The following SSH2 variants were observed in gnomAD, a reference collection of about 807,000 sequenced individuals.
SSH2 encodes the protein slingshot protein phosphatase 2.
In SSH2, 37 loss-of-function variants were observed where a neutral mutation model predicts 135.2. The observed-to-expected ratio is 0.27, with a 90% CI of 0.21 to 0.36. SSH2 has a LOEUF of 0.36. Among genes scored for constraint, SSH2 ranks in the 10% least tolerant of loss-of-function variants. The probability of loss-of-function intolerance (pLI) is 1.00; values close to 1 mark genes in which losing one functional copy is unlikely to be tolerated. For missense variants in SSH2, 1,408 were observed against 1,765.3 expected (o/e 0.80, Z 3.63); for synonymous variants, 628 against 646.2 (o/e 0.97, Z 0.43).
Position 29,636,010 on chromosome 17 carries a change from G to C in SSH2, c.2220C>G (p.Pro740=). The C allele has an allele frequency of 6.2e-7, 1 of 1,613,976 alleles. No individual in the cohort carries two copies. Among genetic ancestry groups the C allele is most frequent in the East Asian group, 2.2e-5 (1 of 44,878 alleles). Residue 740 remains proline (P), a synonymous_variant, in exon 15 of 16, where the codon CCC becomes CCG. Coordinates refer to ENST00000540801, the MANE Select transcript of SSH2 (RefSeq NM_001282129.2). ...DQRSSSLSNT[P]HASEESSMDE... Reference sequence around the variant, plus strand: ...CCATTGAAGATTCTTCTGATGCATGGGGAGTATTACTCAAAGAGCTGCTTC... The same window carrying C: ...CCATTGAAGATTCTTCTGATGCATGCGGAGTATTACTCAAAGAGCTGCTTC...
At chr17:29,835,840 C>T (rs1039233508) in intron 2 of SSH2, among the ~76,000 whole-genome samples, 8 of 151,238 alleles carry the variant, frequency 5.3e-5, no homozygotes, top group African/African-American at 1.9e-4. Flanking sequence ...ATTAGCTAGG[C>T]GTGGTGGTGG....
chr17:29,646,214 C>T (rs193000949), intron 14 of SSH2, among the ~76,000 whole-genome samples: 1 of 152,278 alleles, frequency 6.6e-6, no homozygotes. Flanking sequence ...GCTTTAACCA[C>T]CAAAGGGATA....
intron 14 of SSH2, chr17:29,640,609 A>C (rs2036118370): frequency 6.6e-6 from 1 of 152,252 alleles, no homozygotes; most frequent in South Asian, 2.1e-4. Flanking sequence ...GAAAAAAAAA[A>C]CAATCTAAAG....
At chr17:29,881,381 A>C (rs751750885) in intron 1 of SSH2, among the ~76,000 whole-genome samples, 12 of 152,218 alleles carry the variant, frequency 7.9e-5, no homozygotes, top group Admixed American at 3.9e-4. Flanking sequence ...CAAAATCCTT[A>C]TATTAAATGG....
At position 29,627,093 on chromosome 17, in the gene SSH2, C is replaced by T. The variant is rs978271691; in HGVS notation, c.*3748G>A. ...ACAAGGGCTGACCATGATGGCCCTG[C>T]TCTGCATGAGGACTCACAGGACAGC... is the stretch of plus-strand genomic sequence containing the variant. On this transcript the variant is annotated 3_prime_UTR_variant, in exon 16 of 16. Transcript: ENST00000540801. 13 of 152,692 alleles carry T rather than the reference C, an allele frequency of 8.5e-5. No individual in the cohort carries two copies. The highest frequency in any genetic ancestry group is 2.4e-4 in the African/African-American group (10 of 41,566). 9.5% of individuals were successfully genotyped at this position (152,692 alleles called of 1,614,324 possible). A position where few individuals can be genotyped will look rare whatever the true frequency, so the allele number is the denominator to read the frequency against.
At chr17:29,846,029 C>A (rs2151383816) in intron 2 of SSH2, among the ~76,000 whole-genome samples, 1 of 145,146 alleles carries the variant, frequency 6.9e-6, no homozygotes, top group Non-Finnish European at 1.5e-5. Context: ...GACTCCACTG[C>A]AAACTGAACA....
chr17:29,927,015 C>T, intron 1 of SSH2, among the ~76,000 whole-genome samples: 1 of 152,146 alleles, frequency 6.6e-6, no homozygotes, highest in East Asian at 1.9e-4. Flanking sequence ...TGCGCATATT[C>T]CTTAATAACT....
intron 3 of SSH2, among the ~76,000 whole-genome samples, chr17:29,708,797 A>G (rs1428001273): frequency 3.3e-5 from 5 of 151,518 alleles, no homozygotes; most frequent in Non-Finnish European, 5.9e-5. Flanking sequence ...TAAGGAATGA[A>G]TGAGATAAAG....
chr17:29,832,690 T>G (rs191604715), intron 2 of SSH2, among the ~76,000 whole-genome samples: 5 of 152,276 alleles, frequency 3.3e-5, no homozygotes, highest in African/African-American at 9.6e-5. Flanking sequence ...TTTCTTTTTT[T>G]GAGACAGTCT....
chr17:29,854,546 A>T (rs918538207), intron 1 of SSH2, among the ~76,000 whole-genome samples: 1 of 151,870 alleles, frequency 6.6e-6, no homozygotes, highest in Non-Finnish European at 1.5e-5. Context: ...CAATTTTTAT[A>T]TGGACTGTAT....
chr17:29,779,047 G>T (rs1015522674), intron 3 of SSH2, among the ~76,000 whole-genome samples: 3 of 151,900 alleles, frequency 2.0e-5, no homozygotes, highest in Non-Finnish European at 4.4e-5. Flanking sequence ...ATCTAGGGGG[G>T]AAAAGTAAAA....
intron 1 of SSH2, among the ~76,000 whole-genome samples, chr17:29,911,345 G>C (rs1420671579): frequency 6.6e-6 from 1 of 152,134 alleles, no homozygotes; most frequent in African/African-American, 2.4e-5. Context: ...TGTTCTTTGT[G>C]AGGGATTTAA....
intron 3 of SSH2, among the ~76,000 whole-genome samples, chr17:29,737,218 T>C (rs1364875365): frequency 1.3e-5 from 2 of 151,872 alleles, no homozygotes; most frequent in African/African-American, 2.4e-5. Flanking sequence ...CTGTTATATA[T>C]ACCTAAAAAT....
chr17:29,749,331 G>C (rs1286423912), intron 3 of SSH2, among the ~76,000 whole-genome samples: 1 of 152,130 alleles, frequency 6.6e-6, no homozygotes, highest in Non-Finnish European at 1.5e-5. Context: ...TTATCATTGC[G>C]TGAACATCAT....
chr17:29,868,868 C>T (rs916316106), intron 1 of SSH2, among the ~76,000 whole-genome samples: 7 of 152,074 alleles, frequency 4.6e-5, no homozygotes, highest in Non-Finnish European at 1.0e-4. Flanking sequence ...CTTTTCAGTC[C>T]CTCTCATCCA....
chr17:29,672,921 G>T (rs1041890020), intron 8 of SSH2, among the ~76,000 whole-genome samples: 1 of 151,998 alleles, frequency 6.6e-6, no homozygotes, highest in Non-Finnish European at 1.5e-5. Flanking sequence ...TGGTCAGGCT[G>T]GTCTCAAACT....
intron 11 of SSH2, among the ~76,000 whole-genome samples, chr17:29,656,307 G>C (rs2036777106): frequency 6.6e-6 from 1 of 152,126 alleles, no homozygotes; most frequent in Non-Finnish European, 1.5e-5. Context: ...CTCCTGAGTA[G>C]CTGGGATTAC....
chr17:29,699,758 G>C (rs558718093), intron 4 of SSH2, among the ~76,000 whole-genome samples: 1 of 152,182 alleles, frequency 6.6e-6, no homozygotes, highest in South Asian at 2.1e-4. Context: ...TACTGTAAGG[G>C]ATAAATATCC....
In SSH2 at chr17:29,785,491, ATTTTTT is replaced by A. The variant is rs34346245; in HGVS notation, c.188+8397_188+8402del. 8.9e-5 allele frequency among the ~76,000 whole-genome samples: 7 copies of A among 78,494 alleles called. No individual in the cohort carries two copies. In the East Asian group the frequency reaches 1.1e-3, roughly 12 times the overall value. 51.5% of individuals were successfully genotyped at this position (78,494 alleles called of 152,430 possible). A position where few individuals can be genotyped will look rare whatever the true frequency, so the allele number is the denominator to read the frequency against. ...TAATATGTTTGAATATTGGCGTTTCATTTTTTTTTTTTTTTTTTTTTTTTGAGACAG... is the reference window on the plus strand; with the variant it reads ...TAATATGTTTGAATATTGGCGTTTCATTTTTTTTTTTTTTTTTTGAGACAG... On this transcript the variant is annotated intron_variant, in intron 3 of 15. Coordinates refer to ENST00000540801, the MANE Select transcript of SSH2 (RefSeq NM_001282129.2).
Sources: allele counts gnomAD v4.1 joint callset (sites outside exome capture counted in the v4.1 genomes callset), GRCh38; gene constraint gnomAD v4.1.1; transcripts MANE v1.5; gene names NCBI Gene and HGNC (gene_info 2026-07-23, HGNC 2026-07-21).